Variants in ENOX2 observed in about 807,000 individuals in gnomAD.
ENOX2 encodes the protein ecto-NOX disulfide-thiol exchanger 2.
A neutral mutation model predicts 45.0 loss-of-function variants in ENOX2; 36 were observed. The observed-to-expected ratio is 0.80, with a 90% CI of 0.61 to 1.06. ENOX2 has a LOEUF of 1.06. Among genes scored for constraint, ENOX2 ranks in the 50% least tolerant of loss-of-function variants. The pLI, the probability that ENOX2 is intolerant of heterozygous loss-of-function variation, is 0.00. For missense variants in ENOX2, 423 were observed against 462.5 expected, an observed-to-expected ratio of 0.91 and a Z score of 0.78; for synonymous variants, 174 against 152.3, an observed-to-expected ratio of 1.14 and a Z score of -1.05.
intron 3 of ENOX2, among the ~76,000 whole-genome samples, chrX:130,775,669 CA>C (rs754845076): frequency 9.0e-6 from 1 of 111,359 alleles, no homozygotes; most frequent in South Asian, 3.8e-4. Flanking sequence ...TCAAGGAATA[CA>C]TTTGAAGCTA....
chrX:130,775,337 A>T (rs2039830319), intron 3 of ENOX2, among the ~76,000 whole-genome samples: 1 of 109,922 alleles, frequency 9.1e-6, no homozygotes, highest in Non-Finnish European at 1.9e-5. Context: ...CTGAGACAGC[A>T]CCACTGCACT....
intron 3 of ENOX2, among the ~76,000 whole-genome samples, chrX:130,737,503 A>G (rs2038889894): frequency 8.9e-6 from 1 of 112,488 alleles, no homozygotes. Flanking sequence ...AATGCTTCCA[A>G]AATACATAGC....
rs201370207 is a variant in ENOX2 at position 130,861,140 on chromosome X, GA to G, written c.-183+40543del. On this transcript the variant is annotated intron_variant, in intron 2 of 14. Coordinates refer to ENST00000394363, the MANE Select transcript of ENOX2 (RefSeq NM_006375.4). ...AAAGATAAATGTAGGCAAGGATGTGGAAAAAATGCAACTCTTGTACACTGTT... is the reference window on the plus strand; with the variant it reads ...AAAGATAAATGTAGGCAAGGATGTGGAAAAATGCAACTCTTGTACACTGTT... Among the ~76,000 whole-genome samples, 27 of 111,412 alleles carry G rather than the reference GA, an allele frequency of 2.4e-4. No individual in the cohort carries two copies. In the East Asian group the frequency reaches 6.8e-3, roughly 28 times the overall value.
chrX:130,733,457 C>T (rs2038786910), intron 3 of ENOX2, among the ~76,000 whole-genome samples: 1 of 110,864 alleles, frequency 9.0e-6, no homozygotes, highest in Admixed American at 9.6e-5. Flanking sequence ...CACAATTACA[C>T]TCCTGAACAT....
At chrX:130,873,694 C>A (rs1465219737) in intron 2 of ENOX2, among the ~76,000 whole-genome samples, 1 of 111,850 alleles carries the variant, frequency 8.9e-6, no homozygotes, top group Non-Finnish European at 1.9e-5. Context: ...CACATATACA[C>A]CATGGAATAC....
intron 6 of ENOX2, among the ~76,000 whole-genome samples, chrX:130,675,218 GT>G (rs2037112667): frequency 9.0e-6 from 1 of 111,723 alleles, no homozygotes; most frequent in African/African-American, 3.3e-5. Context: ...GGTTGAACTA[GT>G]TTACAGTCCC....
At chrX:130,638,067 CTT>C (rs752457979) in intron 10 of ENOX2, among the ~76,000 whole-genome samples, 26 of 101,192 alleles carry the variant, frequency 2.6e-4, no homozygotes, top group African/African-American at 9.0e-4. Flanking sequence ...TCCTTCCTTC[CTT>C]TTTTTTTTTT....
chrX:130,760,578 G>A (rs2039460332), intron 3 of ENOX2, among the ~76,000 whole-genome samples: 1 of 108,537 alleles, frequency 9.2e-6, no homozygotes, highest in Admixed American at 9.9e-5. Context: ...ACGAGGTCAG[G>A]AGTTCGAGAC....
intron 3 of ENOX2, among the ~76,000 whole-genome samples, chrX:130,736,479 G>A (rs1032148565): frequency 1.8e-5 from 2 of 112,100 alleles, no homozygotes; most frequent in Non-Finnish European, 3.8e-5. Flanking sequence ...TAGAGAAGAG[G>A]ATGGCAAACT....
At chrX:130,889,938 G>A (rs1363163008) in intron 2 of ENOX2, among the ~76,000 whole-genome samples, 1 of 112,848 alleles carries the variant, frequency 8.9e-6, no homozygotes. Flanking sequence ...ACTAAGGAAG[G>A]TGTCAGTCCA....
intron 2 of ENOX2, among the ~76,000 whole-genome samples, chrX:130,895,902 C>T (rs1294175489): frequency 8.9e-6 from 1 of 112,307 alleles, no homozygotes; most frequent in Non-Finnish European, 1.9e-5. Context: ...AGGGATAGAA[C>T]ATAAATCTTT....
intron 2 of ENOX2, among the ~76,000 whole-genome samples, chrX:130,871,718 T>C (rs1031210400): frequency 9.0e-6 from 1 of 111,053 alleles, no homozygotes; most frequent in Non-Finnish European, 1.9e-5. Context: ...TCCCTCCCCA[T>C]AATACCATCA....
intron 10 of ENOX2, among the ~76,000 whole-genome samples, chrX:130,654,463 C>T: frequency 9.2e-6 from 1 of 109,128 alleles, no homozygotes; most frequent in Non-Finnish European, 1.9e-5. Context: ...ACAACAACAA[C>T]AACTCTGAGA....
At chrX:130,865,065 T>C (rs1314514375) in intron 2 of ENOX2, among the ~76,000 whole-genome samples, 1 of 105,010 alleles carries the variant, frequency 9.5e-6, no homozygotes, top group Non-Finnish European at 1.9e-5. Context: ...TTTTTGAAAT[T>C]AACGAATACA....
At chrX:130,772,798 T>C (rs2039771632) in intron 3 of ENOX2, among the ~76,000 whole-genome samples, 1 of 112,302 alleles carries the variant, frequency 8.9e-6, no homozygotes, top group Non-Finnish European at 1.9e-5. Context: ...AGAAAGCAGA[T>C]GGCTTCTTTA....
At chrX:130,776,946 C>T (rs1052722957) in intron 3 of ENOX2, among the ~76,000 whole-genome samples, 1 of 111,957 alleles carries the variant, frequency 8.9e-6, no homozygotes, top group African/African-American at 3.2e-5. Context: ...TGTGCAGCAG[C>T]CAAAACAGAT....
intron 2 of ENOX2, among the ~76,000 whole-genome samples, chrX:130,825,276 A>T (rs1182626625): frequency 9.0e-6 from 1 of 111,729 alleles, no homozygotes; most frequent in Non-Finnish European, 1.9e-5. Flanking sequence ...AGTATTATAC[A>T]AATTTTACAA....
intron 2 of ENOX2, among the ~76,000 whole-genome samples, chrX:130,798,850 A>G (rs1272975439): frequency 8.9e-6 from 1 of 112,182 alleles, no homozygotes; most frequent in Non-Finnish European, 1.9e-5. Flanking sequence ...AATACCGGAA[A>G]GCACTGCAAC....
At chrX:130,781,579 A>G (rs889420137) in intron 3 of ENOX2, among the ~76,000 whole-genome samples, 1 of 111,853 alleles carries the variant, frequency 8.9e-6, no homozygotes, top group African/African-American at 3.3e-5. Context: ...ATTACCCTAA[A>G]CTCACACATC....
Sources: allele counts gnomAD v4.1 joint callset (sites outside exome capture counted in the v4.1 genomes callset), GRCh38; gene constraint gnomAD v4.1.1; transcripts MANE v1.5; gene names NCBI Gene and HGNC (gene_info 2026-07-23, HGNC 2026-07-21).